Variants in CNTN5 observed in about 807,000 individuals in gnomAD.
The protein encoded by CNTN5 is contactin-5.
CNTN5 carries 77 observed loss-of-function variants against 129.1 expected under a neutral mutation model. The ratio of observed to expected loss-of-function variants is 0.60; its 90% CI spans 0.50 to 0.72. CNTN5 has a LOEUF of 0.72. Ranked by LOEUF, CNTN5 falls within the 30% of genes least tolerant of loss-of-function variation. The probability of loss-of-function intolerance (pLI) is 0.00; values close to 1 mark genes in which losing one functional copy is unlikely to be tolerated. For synonymous variants in CNTN5, 509 were observed against 465.6 expected (o/e 1.09, Z -1.20); for missense variants, 1,478 against 1,328.8 (o/e 1.11, Z -1.75).
In CNTN5 at chr11:100,091,424, C is replaced by CTTT. The variant is rs60075209; in HGVS notation, c.1580+17150_1580+17152dup. On this transcript the variant is annotated intron_variant, in intron 13 of 24. Coordinates refer to ENST00000524871, the MANE Select transcript of CNTN5 (RefSeq NM_014361.4). ...CTTTTTGGTTTATTTTTTATTTATT[C>CTTT]TTTTTTTTTTTTTTTTTTTTTTGAG... is the stretch of plus-strand genomic sequence containing the variant. Among the ~76,000 whole-genome samples the CTTT allele has an allele frequency of 2.0e-3, 231 of 114,400 alleles. 1 individual carries two copies. Among genetic ancestry groups the CTTT allele is most frequent in the Non-Finnish European group, 2.6e-3 (149 of 57,360 alleles). 75.1% of individuals were successfully genotyped at this position (114,400 alleles called of 152,430 possible). A position where few individuals can be genotyped will look rare whatever the true frequency, so the allele number is the denominator to read the frequency against.
intron 15 of CNTN5, among the ~76,000 whole-genome samples, chr11:100,214,069 A>C (rs1329992397): frequency 1.3e-5 from 2 of 152,192 alleles, no homozygotes; most frequent in Non-Finnish European, 2.9e-5. Flanking sequence ...ACAAATATGT[A>C]TCTCATAAAC....
intron 13 of CNTN5, among the ~76,000 whole-genome samples, chr11:100,158,843 A>T (rs1324048227): frequency 6.6e-6 from 1 of 151,834 alleles, no homozygotes; most frequent in African/African-American, 2.4e-5. Flanking sequence ...ATATACCACT[A>T]ATCTGTTGTA....
rs532959952 is a variant in CNTN5 at position 99,981,595 on chromosome 11, C to T, written c.878-20439C>T. 1.6e-4 allele frequency among the ~76,000 whole-genome samples: 25 copies of T among 152,214 alleles called. 1 individual carries two copies. The East Asian group carries it at 2.5e-3, about 15-fold the overall frequency. ...TACCACGTTTCTTGGTATTGCTTAACGTATCCAGTCAAGTTGACACAATTA... is the reference window on the plus strand; with the variant it reads ...TACCACGTTTCTTGGTATTGCTTAATGTATCCAGTCAAGTTGACACAATTA... On this transcript the variant is annotated intron_variant, in intron 8 of 24. Coordinates refer to ENST00000524871, the MANE Select transcript of CNTN5 (RefSeq NM_014361.4).
At chr11:99,033,398 G>C (rs1863509234) in intron 1 of CNTN5, among the ~76,000 whole-genome samples, 1 of 151,638 alleles carries the variant, frequency 6.6e-6, no homozygotes, top group Non-Finnish European at 1.5e-5. Flanking sequence ...TCCTACCCAT[G>C]AGCATGGAAT....
intron 2 of CNTN5, among the ~76,000 whole-genome samples, chr11:99,406,367 T>C (rs1307902639): frequency 6.7e-6 from 1 of 150,266 alleles, no homozygotes; most frequent in African/African-American, 2.5e-5. Context: ...ACAGACATTC[T>C]TGTTCTTTTC....
chr11:99,110,109 A>G (rs1416748129), intron 1 of CNTN5, among the ~76,000 whole-genome samples: 1 of 152,160 alleles, frequency 6.6e-6, no homozygotes, highest in Non-Finnish European at 1.5e-5. Flanking sequence ...CGGAGTGCAC[A>G]GAGCTTGCCA....
chr11:99,708,839 C>T (rs964226278), intron 3 of CNTN5, among the ~76,000 whole-genome samples: 5 of 151,720 alleles, frequency 3.3e-5, no homozygotes, highest in African/African-American at 7.3e-5. Context: ...GTTACGAATC[C>T]TGTCCAACTT....
chr11:99,113,967 G>C (rs1013303419), intron 1 of CNTN5, among the ~76,000 whole-genome samples: 2 of 151,974 alleles, frequency 1.3e-5, no homozygotes, highest in African/African-American at 4.8e-5. Context: ...ACAGCACTTG[G>C]TGCATCCCTC....
chr11:99,271,218 C>T (rs948728508), intron 1 of CNTN5, among the ~76,000 whole-genome samples: 2 of 151,810 alleles, frequency 1.3e-5, no homozygotes, highest in African/African-American at 4.8e-5. Flanking sequence ...GAAGTGGGAG[C>T]AATTAAGTGT....
intron 2 of CNTN5, among the ~76,000 whole-genome samples, chr11:99,488,083 T>C (rs889016153): frequency 6.6e-6 from 1 of 152,218 alleles, no homozygotes; most frequent in East Asian, 1.9e-4. Flanking sequence ...AATGAAAGAT[T>C]ATTTCTTATT....
At chr11:100,051,951 C>G (rs1028139929) in intron 9 of CNTN5, among the ~76,000 whole-genome samples, 3 of 151,754 alleles carry the variant, frequency 2.0e-5, no homozygotes, top group Non-Finnish European at 1.5e-5. Flanking sequence ...TAATTAAAAA[C>G]CCTTATACTA....
intron 13 of CNTN5, among the ~76,000 whole-genome samples, chr11:100,122,950 T>C (rs980647038): frequency 2.6e-5 from 4 of 152,088 alleles, no homozygotes; most frequent in Admixed American, 6.6e-5. Flanking sequence ...AGGAAAATTA[T>C]TGAATATGTT....
chr11:99,786,549 C>G (rs1047411080), intron 3 of CNTN5, among the ~76,000 whole-genome samples: 1 of 152,112 alleles, frequency 6.6e-6, no homozygotes, highest in Non-Finnish European at 1.5e-5. Context: ...ATAGCCAAGA[C>G]AATCCTAAGC....
chr11:99,804,065 T>C (rs565574324), intron 3 of CNTN5, among the ~76,000 whole-genome samples: 1 of 152,276 alleles, frequency 6.6e-6, no homozygotes, highest in Admixed American at 6.5e-5. Flanking sequence ...ACAGCACATG[T>C]CAGAAAATAC....
intron 3 of CNTN5, among the ~76,000 whole-genome samples, chr11:99,757,332 G>GATTCTATTTATAAAGA (rs1944437373): frequency 6.6e-6 from 1 of 151,324 alleles, no homozygotes; most frequent in African/African-American, 2.4e-5. Flanking sequence ...ATTTTAACTT[G>GATTCTATTTATAAAGA]ATTCTATTTA....
chr11:100,314,466 A>G (rs1281543369), intron 21 of CNTN5, among the ~76,000 whole-genome samples: 2 of 152,148 alleles, frequency 1.3e-5, no homozygotes. Context: ...ATTTCCTTCT[A>G]GAATATGTTT....
intron 1 of CNTN5, among the ~76,000 whole-genome samples, chr11:99,204,095 A>T (rs1478340879): frequency 2.6e-5 from 4 of 152,212 alleles, no homozygotes; most frequent in Non-Finnish European, 4.4e-5. Flanking sequence ...CTCTATCTCA[A>T]TACAAATATA....
chr11:99,336,431 T>A lies in CNTN5; in HGVS notation c.-71+10947T>A, dbSNP rs189134968. Among the ~76,000 whole-genome samples the A allele has an allele frequency of 7.2e-5, 11 of 152,296 alleles. No individual in the cohort carries two copies. In the East Asian group the frequency reaches 2.1e-3, roughly 29 times the overall value. On this transcript the variant is annotated intron_variant, in intron 2 of 24. Transcript: ENST00000524871. ...TAATACTATTACTGTGAAATAGTAA[T>A]TCTGTGTAATTCACAGTAATAGTAT...
chr11:99,504,213 G>T lies in CNTN5; in HGVS notation c.-70-51932G>T, dbSNP rs562098197. Among the ~76,000 whole-genome samples the T allele has an allele frequency of 2.0e-4, 31 of 152,238 alleles. 1 individual carries two copies. The South Asian group carries it at 6.4e-3, about 32-fold the overall frequency. On this transcript the variant is annotated intron_variant, in intron 2 of 24. Transcript: ENST00000524871. ...TTGATAATAATCCTAGCACCCATGG[G>T]TTTAGACAAGTGTTTTTACTCTTAT...
Sources: allele counts gnomAD v4.1 joint callset (sites outside exome capture counted in the v4.1 genomes callset), GRCh38; gene constraint gnomAD v4.1.1; transcripts MANE v1.5; gene names NCBI Gene and HGNC (gene_info 2026-07-23, HGNC 2026-07-21).